The following RFX3 variants were observed in gnomAD, a reference collection of about 807,000 sequenced individuals.
The protein encoded by RFX3 is transcription factor RFX3.
Under a neutral mutation model 98.6 loss-of-function variants are expected in RFX3, and 14 were observed. The ratio of observed to expected loss-of-function variants is 0.14; its 90% CI spans 0.09 to 0.22. The LOEUF is 0.22. Among genes scored for constraint, RFX3 ranks in the 10% least tolerant of loss-of-function variants. The probability of loss-of-function intolerance (pLI) is 1.00; values close to 1 mark genes in which losing one functional copy is unlikely to be tolerated. For missense variants in RFX3, 639 were observed against 926.9 expected, an observed-to-expected ratio of 0.69 and a Z score of 4.03; for synonymous variants, 383 against 328.4, an observed-to-expected ratio of 1.17 and a Z score of -1.80.
intron 1 of RFX3, among the ~76,000 whole-genome samples, chr9:3,491,210 A>T (rs1435540734): frequency 2.6e-5 from 4 of 152,274 alleles, no homozygotes; most frequent in African/African-American, 9.6e-5. Context: ...CACATATTTG[A>T]GATTACTTGA....
intron 1 of RFX3, among the ~76,000 whole-genome samples, chr9:3,497,763 C>T (rs1475313940): frequency 3.3e-5 from 5 of 151,904 alleles, no homozygotes; most frequent in Admixed American, 3.3e-4. Flanking sequence ...CATAAGCTTG[C>T]TTAAAGAGGC....
chr9:3,321,466 A>G (rs1831312982), intron 4 of RFX3, among the ~76,000 whole-genome samples: 2 of 152,154 alleles, frequency 1.3e-5, no homozygotes, highest in South Asian at 2.1e-4. Flanking sequence ...CATTGCTTGT[A>G]TGGGATGAAA....
In RFX3 at chr9:3,503,835, C is replaced by G. The variant is rs201173268; in HGVS notation, c.-9+21912G>C. Among the ~76,000 whole-genome samples, 6 of 151,966 alleles carry G rather than the reference C, an allele frequency of 3.9e-5. No individual in the cohort carries two copies. The East Asian group carries it at 1.2e-3, about 29-fold the overall frequency. On this transcript the variant is annotated intron_variant, in intron 1 of 16. Coordinates refer to ENST00000617270, the MANE Select transcript of RFX3 (RefSeq NM_001282116.2). ...CTGAAGAGCATTTTTATCACAGAAG[C>G]CATCATATGCAAAGATTCTGTCAAA...
chr9:3,497,961 T>C (rs920342364), intron 1 of RFX3, among the ~76,000 whole-genome samples: 3 of 152,012 alleles, frequency 2.0e-5, no homozygotes, highest in Admixed American at 6.6e-5. Context: ...AACAATCTTT[T>C]CCAAATGCTG....
chr9:3,301,664 T>G (rs1828674728), intron 4 of RFX3, 44 bp from the exon 5 acceptor site: 1 of 1,363,654 alleles, frequency 7.3e-7, no homozygotes, highest in South Asian at 1.3e-5. Context: ...GACAAGATAG[T>G]AATAAAAGGC....
chr9:3,458,399 T>G lies in RFX3; in HGVS notation c.-8-62803A>C, dbSNP rs1359785150. Among the ~76,000 whole-genome samples, 6 of 152,256 alleles carry G rather than the reference T, an allele frequency of 3.9e-5. 1 individual carries two copies. The highest frequency in any genetic ancestry group is 1.4e-4 in the African/African-American group (6 of 41,562). On this transcript the variant is annotated intron_variant, in intron 1 of 16. Transcript: ENST00000617270. ...TAACACAAGTATTACAAATTTAAAA[T>G]ACAGGCACATCCAGTATTTGTCTGC...
rs187296473 is a variant in RFX3 at position 3,284,608 on chromosome 9, A to G, written c.851+3523T>C. On this transcript the variant is annotated intron_variant, in intron 7 of 16. Transcript: ENST00000617270. ...TGTTAGGCTAGATTTTAGTCATTAG[A>G]GTGATATTTGAAATATTTACTGGAG... 2.1e-4 allele frequency among the ~76,000 whole-genome samples: 32 copies of G among 151,774 alleles called. 1 individual carries two copies. The highest frequency in any genetic ancestry group is 1.8e-3 in the Admixed American group (28 of 15,158).
chr9:3,486,682 T>C (rs76880935), intron 1 of RFX3, among the ~76,000 whole-genome samples: 4 of 152,130 alleles, frequency 2.6e-5, no homozygotes, highest in Non-Finnish European at 4.4e-5. Context: ...AAACTCCGGA[T>C]TCATGCTCAT....
chr9:3,394,418 A>G (rs1468226297), intron 2 of RFX3, among the ~76,000 whole-genome samples: 1 of 152,166 alleles, frequency 6.6e-6, no homozygotes, highest in African/African-American at 2.4e-5. Flanking sequence ...AGCCGAGATG[A>G]TGCCACTGCA....
chr9:3,261,508 T>C (rs938081906), intron 13 of RFX3, among the ~76,000 whole-genome samples: 5 of 152,144 alleles, frequency 3.3e-5, no homozygotes, highest in African/African-American at 1.2e-4. Flanking sequence ...TAATATTCCA[T>C]TGTATGGATA....
chr9:3,272,359 A>T (rs576337125), intron 9 of RFX3, among the ~76,000 whole-genome samples: 47 of 152,260 alleles, frequency 3.1e-4, no homozygotes, highest in African/African-American at 1.0e-3. Flanking sequence ...AAAAACAACA[A>T]ACCATAACTT....
In RFX3 at chr9:3,227,341, T is replaced by A. The variant is rs547981429; in HGVS notation, c.2011+1506A>T. Reference sequence around the variant, plus strand: ...GGTAGGTTTTGCTTAGGTCTATCTCTGGGTGACAGGTTTCCTTTGGAGAAC... The same window carrying A: ...GGTAGGTTTTGCTTAGGTCTATCTCAGGGTGACAGGTTTCCTTTGGAGAAC... On this transcript the variant is annotated intron_variant, in intron 16 of 16. Transcript: ENST00000617270. 4.1e-4 allele frequency among the ~76,000 whole-genome samples: 63 copies of A among 152,302 alleles called. No homozygotes were observed. In the South Asian group the frequency reaches 6.4e-3, roughly 16 times the overall value.
At chr9:3,260,187 G>C (rs1822685221) in intron 13 of RFX3, among the ~76,000 whole-genome samples, 1 of 152,088 alleles carries the variant, frequency 6.6e-6, no homozygotes. Context: ...ATGGTACTCT[G>C]AAGAAAGGAA....
intron 8 of RFX3, 56 bp from the exon 9 acceptor site, chr9:3,275,668 A>T: frequency 9.7e-7 from 1 of 1,028,548 alleles, no homozygotes; most frequent in Non-Finnish European, 1.5e-6. Context: ...CCAATTACAG[A>T]TTAATGAGGG....
At chr9:3,493,599 G>C (rs897928294) in intron 1 of RFX3, among the ~76,000 whole-genome samples, 12 of 149,722 alleles carry the variant, frequency 8.0e-5, no homozygotes, top group African/African-American at 2.7e-4. Context: ...CAGGAGAATG[G>C]TGTGAACCCA....
chr9:3,263,260 G>C (rs1823158525), intron 12 of RFX3, among the ~76,000 whole-genome samples, 176 bp from the exon 13 acceptor site: 2 of 152,146 alleles, frequency 1.3e-5, no homozygotes, highest in Non-Finnish European at 2.9e-5. Flanking sequence ...TCTAAACCAA[G>C]TATTATTTTC....
At chr9:3,271,577 T>C (rs1029945900) in intron 9 of RFX3, among the ~76,000 whole-genome samples, 2 of 150,942 alleles carry the variant, frequency 1.3e-5, no homozygotes, top group Middle Eastern at 3.4e-3. Context: ...CTTTCTTTCT[T>C]TCCTTTACCT....
intron 1 of RFX3, among the ~76,000 whole-genome samples, chr9:3,396,535 T>A (rs902994034): frequency 9.8e-5 from 15 of 152,316 alleles, no homozygotes; most frequent in Non-Finnish European, 2.1e-4. Flanking sequence ...GCATGACTTA[T>A]AATCCTTTGG....
chr9:3,454,409 T>C (rs1846963088), intron 1 of RFX3, among the ~76,000 whole-genome samples: 1 of 152,158 alleles, frequency 6.6e-6, no homozygotes, highest in Admixed American at 6.5e-5. Flanking sequence ...AATTCTTTGC[T>C]TTAGATTTTG....
Sources: allele counts gnomAD v4.1 joint callset (sites outside exome capture counted in the v4.1 genomes callset), GRCh38; gene constraint gnomAD v4.1.1; transcripts MANE v1.5; gene names NCBI Gene and HGNC (gene_info 2026-07-23, HGNC 2026-07-21).